VARS2: variants seen among roughly 807,000 people sequenced by gnomAD.
VARS2 encodes the protein valyl-tRNA synthetase 2, mitochondrial.
In VARS2, 105 loss-of-function variants were observed where a neutral mutation model predicts 154.1. The observed-to-expected ratio is 0.68, with a 90% CI of 0.58 to 0.80. VARS2 has a LOEUF of 0.80. Among genes scored for constraint, VARS2 ranks in the 30% least tolerant of loss-of-function variants. The probability of loss-of-function intolerance (pLI) is 0.00; values close to 1 mark genes in which losing one functional copy is unlikely to be tolerated. For synonymous variants in VARS2, 483 were observed against 539.5 expected (o/e 0.90, Z 1.45); for missense variants, 1,157 against 1,361.4 (o/e 0.85, Z 2.36).
intron 5 of VARS2, 23 bp from the exon 6 acceptor site, chr6:30,915,958 A>T: frequency 6.2e-7 from 1 of 1,614,068 alleles, no homozygotes; most frequent in Non-Finnish European, 8.5e-7. Flanking sequence ...TCAGGGGCTC[A>T]CAGGAGGGCA....
chr6:30,920,045 A>G lies in VARS2; in HGVS notation c.1166-44A>G. ...ATGATGATACATCTGGAAAAGCAAAAGCCAAGGTCAGGTTCAGTACTCACC... is the reference window on the plus strand; with the variant it reads ...ATGATGATACATCTGGAAAAGCAAAGGCCAAGGTCAGGTTCAGTACTCACC... On this transcript the variant is annotated intron_variant, in intron 12 of 29. Transcript: ENST00000676266. This position sits in a 1 kb window ranked among gnomAD's most constrained non-coding sequence, Gnocchi z 4.6. 1 of 1,505,800 alleles carries G rather than the reference A, an allele frequency of 6.6e-7. No homozygotes were observed. Among genetic ancestry groups the G allele is most frequent in the Non-Finnish European group, 8.9e-7 (1 of 1,126,784 alleles). The allele number at this position is 1,505,800 out of a possible 1,614,324, so 93.3% of individuals were successfully genotyped here.
In VARS2 at chr6:30,920,722, C is replaced by T. The variant is rs766262601; in HGVS notation, c.1452C>T (p.Cys484=). Residue 484 remains cysteine (C), a synonymous_variant, in exon 15 of 30, where the codon TGC becomes TGT. Transcript: ENST00000676266. This position sits in a 1 kb window ranked among gnomAD's most constrained non-coding sequence, Gnocchi z 4.6. Reference sequence around the variant, plus strand: ...TGAAGAACCAGTGGTTTGTCCGCTGCCAGGAAATGGGGGCCCGAGCTGCCA... The same window carrying T: ...TGAAGAACCAGTGGTTTGTCCGCTGTCAGGAAATGGGGGCCCGAGCTGCCA... ...YLLKNQWFVR[C]QEMGARAAKA... 2.5e-6 allele frequency: 4 copies of T among 1,599,708 alleles called. No homozygotes were observed. In the African/African-American group the frequency reaches 4.0e-5, roughly 16 times the overall value.
Position 30,920,655 on chromosome 6 carries a change from G to C in VARS2, c.1398-13G>C. The C allele has an allele frequency of 1.3e-6, 2 of 1,559,312 alleles. No individual in the cohort carries two copies. Among genetic ancestry groups the C allele is most frequent in the Non-Finnish European group, 1.7e-6 (2 of 1,151,026 alleles). ...GCCGGAAGAGCAGTGGACTCACCCT[G>C]TCTCTCTTTCAGCCGTTCTGGGGAT... On this transcript the variant is annotated splice_polypyrimidine_tract_variant and intron_variant, in intron 14 of 29. Coordinates refer to ENST00000676266, the MANE Select transcript of VARS2 (RefSeq NM_020442.6). This position sits in a 1 kb window ranked among gnomAD's most constrained non-coding sequence, Gnocchi z 4.6.
Position 30,920,316 on chromosome 6 carries a change from T to C in VARS2, c.1294-17T>C, listed in dbSNP as rs768259782. 1.2e-6 allele frequency: 2 copies of C among 1,601,286 alleles called. No individual in the cohort carries two copies. Among genetic ancestry groups the C allele is most frequent in the South Asian group, 2.3e-5 (2 of 88,594 alleles). ...TCTAGAGGCCTTCAGTCTTTACTCT[T>C]GCCGCTTTTTCTCCAGGGTCTTCAC... is the stretch of plus-strand genomic sequence containing the variant. On this transcript the variant is annotated splice_polypyrimidine_tract_variant and intron_variant, in intron 13 of 29. Coordinates refer to ENST00000676266, the MANE Select transcript of VARS2 (RefSeq NM_020442.6). The surrounding 1 kb of genome is among the most constrained non-coding windows in gnomAD (Gnocchi z 4.6).
In VARS2 at chr6:30,920,755, G is replaced by A; in HGVS notation, c.1479+6G>A. 6.3e-7 allele frequency: 1 copy of A among 1,583,350 alleles called. No individual in the cohort carries two copies. The highest frequency in any genetic ancestry group is 8.6e-7 in the Non-Finnish European group (1 of 1,165,644). On this transcript the variant is annotated splice_donor_region_variant and intron_variant, in intron 15 of 29. Coordinates refer to ENST00000676266, the MANE Select transcript of VARS2 (RefSeq NM_020442.6). This position sits in a 1 kb window ranked among gnomAD's most constrained non-coding sequence, Gnocchi z 4.6. ...TGGGGGCCCGAGCTGCCAAGGTGAG[G>A]CTGCAGTGTAGGAAGGACTGGGGCC...
intron 1 of VARS2, 116 bp from the exon 2 acceptor site, chr6:30,914,694 G>A: frequency 8.5e-7 from 1 of 1,176,346 alleles, no homozygotes; most frequent in Non-Finnish European, 1.2e-6. Context: ...TTTGTGGAAG[G>A]GAATAGAGAC....
chr6:30,922,875 CCTT>C lies in VARS2; in HGVS notation c.2107-15_2107-13del, dbSNP rs540706100. 6.5e-3 allele frequency: 10,339 copies of C among 1,589,376 alleles called. 79 individuals carry two copies. Among genetic ancestry groups the C allele is most frequent in the Middle Eastern group, 9.6e-3 (57 of 5,958 alleles). On this transcript the variant is annotated intron_variant, in intron 22 of 29. Coordinates refer to ENST00000676266, the MANE Select transcript of VARS2 (RefSeq NM_020442.6). The stretch of plus-strand genomic sequence containing the variant: ...CTGCAGCCACAAAGGCATCTGCCAC[CCTT>C]CTTCTTCCTCTGGTTGCAGAAAAAG...
In VARS2 at chr6:30,924,186, T is replaced by G. The variant is rs1794702068; in HGVS notation, c.2467-168T>G. On this transcript the variant is annotated intron_variant, in intron 25 of 29. Transcript: ENST00000676266. ...AATTGCTGTCCTGGAGTCCCCTTCT[T>G]TGTGCTGAGTGTGTCCTGGGACTGT... The G allele has an allele frequency of 6.2e-6, 4 of 642,470 alleles. No homozygotes were observed. The Admixed American group carries it at 8.1e-5, about 13-fold the overall frequency. 39.8% of individuals were successfully genotyped at this position (642,470 alleles called of 1,614,324 possible).
rs1794060563 is a variant in VARS2 at position 30,915,019 on chromosome 6, G to A, written c.183G>A (p.Glu61=). 1.2e-6 allele frequency: 2 copies of A among 1,613,410 alleles called. No individual in the cohort carries two copies. The highest frequency in any genetic ancestry group is 2.7e-5 in the African/African-American group (2 of 74,848). Residue 61 remains glutamate, a synonymous_variant, in exon 2 of 30, where the codon GAG becomes GAA. Transcript: ENST00000676266. ...LREKQATLEA[E]IAGESKSPAE... Reference sequence around the variant, plus strand: ...AGAAGCAGGCGACTCTGGAGGCTGAGATAGCAGGGGAGAGCAAGGTTAGGG... The same window carrying A: ...AGAAGCAGGCGACTCTGGAGGCTGAAATAGCAGGGGAGAGCAAGGTTAGGG...
At chr6:30,918,793 G>T (rs748469700) in intron 10 of VARS2, 34 bp from the exon 11 acceptor site, 7 of 1,226,420 alleles carry the variant, frequency 5.7e-6, no homozygotes, top group Middle Eastern at 1.9e-4. Context: ...TGAGGATGAT[G>T]ACCAGCTGTA....
chr6:30,915,303 G>A, intron 3 of VARS2, 52 bp from the exon 4 acceptor site: 1 of 1,613,036 alleles, frequency 6.2e-7, no homozygotes, highest in South Asian at 1.1e-5. Context: ...CTGCCGAAAT[G>A]CAGCCTGGGA....
At position 30,917,894 on chromosome 6, in the gene VARS2, T is replaced by C; in HGVS notation, c.985+88T>C. Reference sequence around the variant, plus strand: ...TGTTGGGCTGCTAGGAACCCATCAGTCCATCTCTCACATGTACCTTGGTAG... The same window carrying C: ...TGTTGGGCTGCTAGGAACCCATCAGCCCATCTCTCACATGTACCTTGGTAG... On this transcript the variant is annotated intron_variant, in intron 10 of 29. Transcript: ENST00000676266. The surrounding 1 kb of genome is among the most constrained non-coding windows in gnomAD (Gnocchi z 4.4). 1 of 1,326,376 alleles carries C rather than the reference T, an allele frequency of 7.5e-7. No homozygotes were observed. The highest frequency in any genetic ancestry group is 1.1e-6 in the Non-Finnish European group (1 of 947,654). 82.2% of individuals were successfully genotyped at this position (1,326,376 alleles called of 1,614,324 possible). A position where few individuals can be genotyped will look rare whatever the true frequency, so the allele number is the denominator to read the frequency against.
chr6:30,922,686 T>C lies in VARS2; in HGVS notation c.2038-20T>C, dbSNP rs1278510070. On this transcript the variant is annotated intron_variant, in intron 21 of 29. Coordinates refer to ENST00000676266, the MANE Select transcript of VARS2 (RefSeq NM_020442.6). ...CAGGGCCTTCGACCTGGGTCGTGAA[T>C]TGCCCCCTTCCATCCCCAGGTGCTG... is the stretch of plus-strand genomic sequence containing the variant. 1.2e-6 allele frequency: 2 copies of C among 1,609,564 alleles called. No individual in the cohort carries two copies. Among genetic ancestry groups the C allele is most frequent in the Non-Finnish European group, 1.7e-6 (2 of 1,178,152 alleles).
Position 30,920,585 on chromosome 6 carries a change from G to T in VARS2, c.1398-83G>T, listed in dbSNP as rs1026300439. 79 of 1,368,844 alleles carry T rather than the reference G, an allele frequency of 5.8e-5. No homozygotes were observed. The highest frequency in any genetic ancestry group is 7.6e-5 in the Non-Finnish European group (77 of 1,011,000). 84.8% of individuals were successfully genotyped at this position (1,368,844 alleles called of 1,614,324 possible). A position where few individuals can be genotyped will look rare whatever the true frequency, so the allele number is the denominator to read the frequency against. On this transcript the variant is annotated intron_variant, in intron 14 of 29. Coordinates refer to ENST00000676266, the MANE Select transcript of VARS2 (RefSeq NM_020442.6). The surrounding 1 kb of genome is among the most constrained non-coding windows in gnomAD (Gnocchi z 4.6). ...CGCTATTGTATCCTCAGTACCAAGG[G>T]CCTGGCATGGCATGGGGTCTTGTGC...
Position 30,918,926 on chromosome 6 carries a change from G to A in VARS2, c.1074+11G>A. 1.9e-6 allele frequency: 3 copies of A among 1,611,542 alleles called. No homozygotes were observed. The highest frequency in any genetic ancestry group is 2.5e-6 in the Non-Finnish European group (3 of 1,179,274). On this transcript the variant is annotated intron_variant, in intron 11 of 29. Transcript: ENST00000676266. ...GACTCGCGATACACAGTAATACCCA[G>A]TGCGCTCCTGCACTCTGGCCCGCCC...
At position 30,926,361 on chromosome 6, in the gene VARS2, G is replaced by T; in HGVS notation, c.*151G>T. 1 of 784,878 alleles carries T rather than the reference G, an allele frequency of 1.3e-6. No homozygotes were observed. Among genetic ancestry groups the T allele is most frequent in the Non-Finnish European group, 2.1e-6 (1 of 484,804 alleles). The allele number at this position is 784,878 out of a possible 1,614,324, so 48.6% of individuals were successfully genotyped here. A position where few individuals can be genotyped will look rare whatever the true frequency, so the allele number is the denominator to read the frequency against. On this transcript the variant is annotated 3_prime_UTR_variant, in exon 30 of 30. Transcript: ENST00000676266. Reference sequence around the variant, plus strand: ...GGACACAGACTGGCTTGGTCGCAGTGACTGTGGTGTCCTTGAGATGCTCAC... The same window carrying T: ...GGACACAGACTGGCTTGGTCGCAGTTACTGTGGTGTCCTTGAGATGCTCAC...
rs778695440 is a variant in VARS2 at position 30,921,661 on chromosome 6, A to G, written c.1705A>G (p.Arg569Gly). ...AREVAAELTG[R>G]PGAELTLERD... The stretch of plus-strand genomic sequence containing the variant: ...AGAGGTAGCAGCGGAACTGACAGGG[A>G]GGCCAGGGGCAGAGCTGACCCTGGA... Residue 569 changes from arginine to glycine, a missense_variant, in exon 18 of 30, where the codon AGG becomes GGG. Arg to Gly is a moderately radical substitution (Grantham distance 125). Coordinates refer to ENST00000676266, the MANE Select transcript of VARS2 (RefSeq NM_020442.6). The surrounding 1 kb of genome is among the most constrained non-coding windows in gnomAD (Gnocchi z 4.6). The G allele has an allele frequency of 4.8e-5, 77 of 1,608,276 alleles. No individual in the cohort carries two copies. The South Asian group carries it at 8.5e-4, about 18-fold the overall frequency.
chr6:30,925,344 C>T lies in VARS2; in HGVS notation c.2744C>T (p.Ala915Val). The T allele has an allele frequency of 6.2e-7, 1 of 1,612,288 alleles. No individual in the cohort carries two copies. The highest frequency in any genetic ancestry group is 8.5e-7 in the Non-Finnish European group (1 of 1,179,588). The change falls in exon 27 of 30, where the codon GCT becomes GTT. Residue 915 changes from alanine (A) to valine (V), a missense_variant. Transcript: ENST00000676266. ...CAAGAGGTCGTGCAGGTGCTAAGGG[C>T]TCTCCGAGCCACGTACCAGCTCACC... ...RVQEVVQVLR[A>V]LRATYQLTKA...
Position 30,922,492 on chromosome 6 carries a change from A to G in VARS2, c.1975A>G (p.Met659Val). The G allele has an allele frequency of 6.3e-7, 1 of 1,598,290 alleles. No homozygotes were observed. The highest frequency in any genetic ancestry group is 8.5e-7 in the Non-Finnish European group (1 of 1,173,040). Residue 659 changes from methionine to valine, a missense_variant, in exon 21 of 30, where the codon ATG (methionine) becomes GTG (valine). Met to Val is a conservative substitution (Grantham distance 21, BLOSUM62 1). Coordinates refer to ENST00000676266, the MANE Select transcript of VARS2 (RefSeq NM_020442.6). ...GGTTCGGGACAGGCAGGGCCGGAAG[A>G]TGAGCAAGTCCCTGGGGAATGTGCT... is the stretch of plus-strand genomic sequence containing the variant. ...PMVRDRQGRK[M>V]SKSLGNVLDP...
Sources: allele counts gnomAD v4.1 joint callset, GRCh38; gene constraint gnomAD v4.1.1; non-coding constraint Gnocchi (gnomAD v3.1); transcripts MANE v1.5; gene names NCBI Gene and HGNC (gene_info 2026-07-23, HGNC 2026-07-21).